HIGD1C: variants seen among roughly 807,000 people sequenced by gnomAD.
HIGD1C encodes the protein HIG1 hypoxia inducible domain family member 1C.
HIGD1C carries 11 observed loss-of-function variants against 13.1 expected under a neutral mutation model. The observed-to-expected ratio is 0.84, with a 90% confidence interval of 0.53 to 1.39. The LOEUF is 1.39. HIGD1C is among the 40% of genes most tolerant of loss of function. The pLI is 0.00. For missense variants in HIGD1C, 110 were observed against 112.0 expected (o/e 0.98, Z 0.08); for synonymous variants, 36 against 37.7 (o/e 0.95, Z 0.17).
At chr12:50,968,531 C>T (rs1048347700) in intron 2 of HIGD1C, among the ~76,000 whole-genome samples, 1 of 152,012 alleles carries the variant, frequency 6.6e-6, no homozygotes, top group Admixed American at 6.6e-5. Flanking sequence ...GGACTACAGG[C>T]GTGTGCCACC....
intron 1 of HIGD1C, among the ~76,000 whole-genome samples, chr12:50,960,686 ATTTT>A (rs60135812): frequency 6.8e-6 from 1 of 147,356 alleles, no homozygotes; most frequent in Non-Finnish European, 1.5e-5. Context: ...TAACCCATAC[ATTTT>A]TTTTTTTCTA....
chr12:50,951,173 G>C (rs78742591), upstream of HIGD1C, among the ~76,000 whole-genome samples: 4 of 152,208 alleles, frequency 2.6e-5, no homozygotes, highest in Admixed American at 1.3e-4. Context: ...AGAAAAAAAA[G>C]TAACCACAGT....
At chr12:50,967,691 C>T (rs535871885) in intron 2 of HIGD1C, among the ~76,000 whole-genome samples, 2 of 152,166 alleles carry the variant, frequency 1.3e-5, no homozygotes, top group Non-Finnish European at 2.9e-5. Context: ...GATCAGAGAA[C>T]CAATTCCGGA....
At chr12:50,959,694 C>G (rs962375019) in intron 1 of HIGD1C, among the ~76,000 whole-genome samples, 3 of 152,124 alleles carry the variant, frequency 2.0e-5, no homozygotes, top group Non-Finnish European at 4.4e-5. Flanking sequence ...GTCACCCAAG[C>G]TGGAGTGCAG....
At chr12:50,950,825 T>C (rs1327374833), upstream of HIGD1C, among the ~76,000 whole-genome samples, 3 of 151,322 alleles carry the variant, frequency 2.0e-5, no homozygotes, top group Admixed American at 6.6e-5. Flanking sequence ...TACAGGCGCC[T>C]GCCACCACGC....
upstream of HIGD1C, among the ~76,000 whole-genome samples, chr12:50,948,952 A>G (rs1938845080): frequency 1.1e-5 from 1 of 87,896 alleles, no homozygotes; most frequent in Non-Finnish European, 2.1e-5. Context: ...GAGGAGGAGG[A>G]GACAACACAT....
intron 2 of HIGD1C, among the ~76,000 whole-genome samples, chr12:50,966,231 T>C (rs1289155819): frequency 6.6e-6 from 1 of 152,200 alleles, no homozygotes; most frequent in Non-Finnish European, 1.5e-5. Flanking sequence ...ATTTCTGGCA[T>C]ACAGAGAACA....
the HIGD1C span, among the ~76,000 whole-genome samples, chr12:50,947,030 C>T: frequency 4.6e-5 from 7 of 152,274 alleles, no homozygotes; most frequent in Non-Finnish European, 7.3e-5. Context: ...GGACACCATT[C>T]TCTCATGGGT....
the HIGD1C span, among the ~76,000 whole-genome samples, chr12:50,942,205 T>C: frequency 6.6e-6 from 1 of 152,186 alleles, no homozygotes; most frequent in African/African-American, 2.4e-5. Flanking sequence ...TCTGTTGCCA[T>C]ACAAATCAGC....
chr12:50,961,204 T>C, intron 2 of HIGD1C, 102 bp downstream of exon 4: 9 of 1,229,002 alleles, frequency 7.3e-6, no homozygotes, highest in Non-Finnish European at 1.0e-5. Context: ...CACAATGATG[T>C]AATGAGAGAG....
At chr12:50,954,175 T>C in intron 1 of HIGD1C, 83 bp downstream of exon 3, 2 of 814,876 alleles carry the variant, frequency 2.5e-6, no homozygotes, top group Admixed American at 2.4e-5. Context: ...TTGAAATGTT[T>C]CTTATAATTG....
chr12:50,943,620 G>C, the HIGD1C span, among the ~76,000 whole-genome samples: 1 of 151,672 alleles, frequency 6.6e-6, no homozygotes, highest in South Asian at 2.1e-4. Flanking sequence ...TGAGGCAGGA[G>C]AATGGTGTGA....
the HIGD1C span, among the ~76,000 whole-genome samples, chr12:50,945,616 G>T: frequency 6.6e-6 from 1 of 152,134 alleles, no homozygotes. Context: ...CCATGCTCAT[G>T]GGTAGGAAGA....
At chr12:50,962,264 C>A (rs1446647374) in intron 2 of HIGD1C, among the ~76,000 whole-genome samples, 7 of 150,532 alleles carry the variant, frequency 4.7e-5, no homozygotes, top group Non-Finnish European at 7.4e-5. Context: ...CACAAAATAG[C>A]TGGGTGTGGT....
chr12:50,936,750 T>G, the HIGD1C span, among the ~76,000 whole-genome samples: 1 of 152,260 alleles, frequency 6.6e-6, no homozygotes, highest in Non-Finnish European at 1.5e-5. Context: ...TCTTAGGTCA[T>G]GAAAAATCAC....
At chr12:50,948,910 GGGGGAGGGGGGGAGGGGGAGGGGAGGA>G (rs1938841536), upstream of HIGD1C, among the ~76,000 whole-genome samples, 4 of 2,304 alleles carry the variant, frequency 1.7e-3, no homozygotes, top group South Asian at 0.02. Flanking sequence ...AGGGGGGAGG[GGGGGAGGGGGGGAGGGGGAGGGGAGGA>G]GGAGGAGGAG....
chr12:50,965,654 TTGAC>T (rs1470305025), intron 2 of HIGD1C, among the ~76,000 whole-genome samples: 1 of 152,124 alleles, frequency 6.6e-6, no homozygotes, highest in Non-Finnish European at 1.5e-5. Flanking sequence ...AACCCCTACT[TTGAC>T]TGGTAGGCCA....
the HIGD1C span, among the ~76,000 whole-genome samples, chr12:50,945,741 A>C: frequency 6.6e-6 from 1 of 152,252 alleles, no homozygotes; most frequent in Non-Finnish European, 1.5e-5. Flanking sequence ...TTTAAAGTTC[A>C]TATGGAACCA....
At chr12:50,953,317 G>A (rs1417549359), upstream of HIGD1C, among the ~76,000 whole-genome samples, 3 of 152,206 alleles carry the variant, frequency 2.0e-5, no homozygotes, top group Non-Finnish European at 2.9e-5. Flanking sequence ...GGATGAAGCC[G>A]CTGTATTTGA....
Sources: gnomAD v4.1 joint callset for allele counts (sites outside exome capture counted in the v4.1 genomes callset) on GRCh38, gnomAD v4.1.1 for gene constraint, MANE v1.5 for transcripts, NCBI Gene and HGNC (gene_info 2026-07-23, HGNC 2026-07-21) for gene names.